Variants in PCDHA6 observed in about 807,000 individuals in gnomAD.
PCDHA6 encodes protocadherin alpha-6.
PCDHA6 carries 55 observed loss-of-function variants against 60.3 expected under a neutral mutation model. That is an observed-to-expected ratio of 0.91 (90% CI 0.73 to 1.14). PCDHA6 has a LOEUF of 1.14. Among genes scored for constraint, PCDHA6 ranks in the 50% most tolerant of loss-of-function variants. PCDHA6 has a pLI of 0.00. For missense variants in PCDHA6, 1,327 were observed against 1,256.5 expected (o/e 1.06, Z -0.85); for synonymous variants, 652 against 557.9 (o/e 1.17, Z -2.38).
intron 1 of PCDHA6, chr5:140,869,951 C>G (rs2051525824): frequency 6.2e-7 from 1 of 1,611,984 alleles, no homozygotes. Context: ...TCCTTAATGT[C>G]AATTAAGCCC....
At chr5:140,957,189 G>A (rs1376112973) in intron 1 of PCDHA6, among the ~76,000 whole-genome samples, 1 of 152,056 alleles carries the variant, frequency 6.6e-6, no homozygotes. Context: ...ATTGATGACC[G>A]ATTGGGAATA....
chr5:140,916,831 G>A (rs1038292722), intron 1 of PCDHA6, among the ~76,000 whole-genome samples: 22 of 152,082 alleles, frequency 1.4e-4, no homozygotes, highest in Non-Finnish European at 2.9e-4. Context: ...CTATCCCTCT[G>A]GTTCTGAGCC....
At chr5:140,864,365 AT>A (rs1190318637) in intron 1 of PCDHA6, 4 of 152,220 alleles carry the variant, frequency 2.6e-5, no homozygotes, top group Non-Finnish European at 5.9e-5. Flanking sequence ...TTATCTTTCT[AT>A]AATCGATAAG....
chr5:140,850,789 A>C, intron 1 of PCDHA6: 1 of 1,598,402 alleles, frequency 6.3e-7, no homozygotes, highest in Non-Finnish European at 8.6e-7. Flanking sequence ...GAGGGTAAGC[A>C]GAAGACCGAC....
intron 1 of PCDHA6, among the ~76,000 whole-genome samples, chr5:140,912,641 G>C (rs2076009138): frequency 6.6e-6 from 1 of 152,128 alleles, no homozygotes; most frequent in African/African-American, 2.4e-5. Flanking sequence ...TCAGTACTAT[G>C]TTGAATAGAA....
chr5:140,842,018 C>T, intron 1 of PCDHA6: 1 of 1,613,764 alleles, frequency 6.2e-7, no homozygotes, highest in Non-Finnish European at 8.5e-7. Context: ...GGTCACAGTG[C>T]TGGATGTGAA....
intron 1 of PCDHA6, among the ~76,000 whole-genome samples, chr5:140,971,488 A>AG (rs1338536132): frequency 1.3e-5 from 2 of 152,222 alleles, no homozygotes; most frequent in African/African-American, 4.8e-5. Flanking sequence ...ACATTGTTAC[A>AG]GTGTGGCAAG....
chr5:140,876,648 T>A, intron 1 of PCDHA6: 4 of 1,614,208 alleles, frequency 2.5e-6, no homozygotes, highest in Non-Finnish European at 3.4e-6. Flanking sequence ...TGACACCTCA[T>A]GTTCCCTTCA....
In PCDHA6 at chr5:140,829,492, C is replaced by T; in HGVS notation, c.1401C>T (p.Asn467=). 4 of 1,613,696 alleles carry T rather than the reference C, an allele frequency of 2.5e-6. No homozygotes were observed. Among genetic ancestry groups the T allele is most frequent in the Middle Eastern group, 1.7e-4 (1 of 5,742 alleles). The change falls in exon 1 of 4, where the codon AAC becomes AAT. Residue 467 remains asparagine, a synonymous_variant. Coordinates refer to ENST00000529310, the MANE Select transcript of PCDHA6 (RefSeq NM_018909.4). ...AGTACACAGTGTTCGTGAAGGAGAA[C>T]AACCCGCCGGGCTGCCACATCTTCA... ...QPEYTVFVKE[N]NPPGCHIFTV...
intron 1 of PCDHA6, chr5:140,870,954 G>T (rs1202889647): frequency 1.9e-6 from 3 of 1,613,514 alleles, no homozygotes; most frequent in African/African-American, 1.3e-5. Context: ...CGGGCGGCTC[G>T]CGCATCCCGT....
At position 140,928,315 on chromosome 5, in the gene PCDHA6, G is replaced by A. The variant is rs535660713; in HGVS notation, c.2395-50634G>A. On this transcript the variant is annotated intron_variant, in intron 1 of 3. Coordinates refer to ENST00000529310, the MANE Select transcript of PCDHA6 (RefSeq NM_018909.4). ...AGTGTTTGCCCAGGACCCCGACCTG[G>A]GGAAGAATGGCCTTGTCTCTTATGA... The A allele has an allele frequency of 1.3e-4, 210 of 1,614,054 alleles. No homozygotes were observed. Among genetic ancestry groups the A allele is most frequent in the Non-Finnish European group, 1.7e-4 (203 of 1,180,048 alleles).
At chr5:140,949,009 G>A (rs1563235030) in intron 1 of PCDHA6, among the ~76,000 whole-genome samples, 1 of 151,574 alleles carries the variant, frequency 6.6e-6, no homozygotes, top group Non-Finnish European at 1.5e-5. Context: ...ATTTTTATAT[G>A]TGATGTTTTT....
At chr5:140,896,398 A>T (rs1322743669) in intron 1 of PCDHA6, among the ~76,000 whole-genome samples, 3 of 151,946 alleles carry the variant, frequency 2.0e-5, no homozygotes, top group African/African-American at 7.3e-5. Context: ...AGCATCTGTT[A>T]TTTTTGACTT....
intron 1 of PCDHA6, among the ~76,000 whole-genome samples, chr5:140,832,729 C>T (rs1170973307): frequency 1.1e-4 from 17 of 152,054 alleles, no homozygotes; most frequent in African/African-American, 4.1e-4. Context: ...AGGTAAGTAT[C>T]CTACATAAAT....
intron 1 of PCDHA6, chr5:140,859,181 G>A (rs1006816858): frequency 6.7e-6 from 1 of 149,700 alleles, no homozygotes; most frequent in Admixed American, 6.7e-5. Context: ...ATCAGCATTA[G>A]GCATTGCTTA....
At chr5:140,965,237 G>A (rs2095882583) in intron 1 of PCDHA6, among the ~76,000 whole-genome samples, 1 of 152,204 alleles carries the variant, frequency 6.6e-6, no homozygotes, top group African/African-American at 2.4e-5. Context: ...AACCTGGGAA[G>A]AGTGAATATT....
In PCDHA6 at chr5:140,852,727, G is replaced by T. The variant is rs1395858951; in HGVS notation, c.2394+22242G>T. The T allele has an allele frequency of 2.0e-6, 2 of 983,412 alleles. 1 individual carries two copies. The highest frequency in any genetic ancestry group is 2.5e-6 in the Non-Finnish European group (2 of 816,078). 60.9% of individuals were successfully genotyped at this position (983,412 alleles called of 1,614,324 possible). A position where few individuals can be genotyped will look rare whatever the true frequency, so the allele number is the denominator to read the frequency against. On this transcript the variant is annotated intron_variant, in intron 1 of 3. Transcript: ENST00000529310. ...ATCTTTGTCTTTGCACGTTTTTCAA[G>T]TTTCATGTGCCATTTAAACTTGGAC...
At chr5:140,984,964 G>A (rs930753325) in intron 3 of PCDHA6, among the ~76,000 whole-genome samples, 1 of 151,936 alleles carries the variant, frequency 6.6e-6, no homozygotes. Context: ...TTGAGACAGA[G>A]TCTCGCTCTG....
chr5:140,884,057 G>C lies in PCDHA6; in HGVS notation c.2394+53572G>C, dbSNP rs141156800. On this transcript the variant is annotated intron_variant, in intron 1 of 3. Transcript: ENST00000529310. ...CCACGTGGTGGCGAAGGTGCGCGCG[G>C]TGGACGCCGATTCGGGCTACAATGC... 6.2e-6 allele frequency: 10 copies of C among 1,613,422 alleles called. No homozygotes were observed. In the African/African-American group the frequency reaches 1.3e-4, roughly 22 times the overall value.
Sources: gnomAD v4.1 joint callset for allele counts (sites outside exome capture counted in the v4.1 genomes callset) on GRCh38, gnomAD v4.1.1 for gene constraint, MANE v1.5 for transcripts, NCBI Gene and HGNC (gene_info 2026-07-23, HGNC 2026-07-21) for gene names.